LRRC37A2: variants seen among roughly 807,000 people sequenced by gnomAD.
The protein encoded by LRRC37A2 is leucine rich repeat containing 37 member A2.
A neutral mutation model predicts 68.8 loss-of-function variants in LRRC37A2; 9 were observed. The observed-to-expected ratio is 0.13, with a 90% CI of 0.08 to 0.23. The LOEUF is 0.23. Among genes scored for constraint, LRRC37A2 ranks in the 10% least tolerant of loss-of-function variants. LRRC37A2 has a pLI of 1.00. For synonymous variants in LRRC37A2, 63 were observed against 367.6 expected (o/e 0.17, Z 9.48); for missense variants, 168 against 950.4 (o/e 0.18, Z 10.82).
the LRRC37A2 span, among the ~76,000 whole-genome samples, chr17:46,873,331 C>T: frequency 6.6e-6 from 1 of 152,176 alleles, no homozygotes; most frequent in Admixed American, 6.5e-5. Context: ...TCCATGGAGG[C>T]CCATAGTGAG....
At chr17:46,754,710 C>T in the LRRC37A2 span, among the ~76,000 whole-genome samples, 2 of 152,212 alleles carry the variant, frequency 1.3e-5, no homozygotes, top group Admixed American at 6.5e-5. Flanking sequence ...TTCTTAGACT[C>T]ATGACACATT....
At chr17:46,923,111 GA>G in the LRRC37A2 span, 1 of 1,003,806 alleles carries the variant, frequency 1.0e-6, no homozygotes, top group Non-Finnish European at 1.5e-6. Context: ...CCTGCGACCG[GA>G]AGCCGGAAAC....
the LRRC37A2 span, among the ~76,000 whole-genome samples, chr17:46,769,500 A>G: frequency 3.9e-5 from 6 of 152,120 alleles, no homozygotes; most frequent in Non-Finnish European, 8.8e-5. Context: ...CCGCGTGCCA[A>G]GGTGCACAGG....
chr17:46,600,085 G>A, the LRRC37A2 span, among the ~76,000 whole-genome samples: 1 of 21,510 alleles, frequency 4.6e-5, no homozygotes, highest in Non-Finnish European at 7.1e-5. Flanking sequence ...AGCTTCCTGA[G>A]TAGCTTGGAC....
At chr17:47,036,626 C>T in the LRRC37A2 span, among the ~76,000 whole-genome samples, 1 of 150,222 alleles carries the variant, frequency 6.7e-6, no homozygotes, top group Non-Finnish European at 1.5e-5. Context: ...GTTGTAGCAC[C>T]CTTGTCAAAA....
the LRRC37A2 span, among the ~76,000 whole-genome samples, chr17:46,725,952 C>G: frequency 2.0e-5 from 3 of 152,184 alleles, no homozygotes; most frequent in African/African-American, 7.2e-5. Context: ...CAGGCTAAAA[C>G]CGTTCCTTCA....
At chr17:46,545,156 C>G (rs1401260619) in intron 8 of LRRC37A2, among the ~76,000 whole-genome samples, 2 of 129,450 alleles carry the variant, frequency 1.5e-5, no homozygotes, top group Admixed American at 7.6e-5. Context: ...ATTTTGCTGG[C>G]TACAGTGGCT....
downstream of LRRC37A2, among the ~76,000 whole-genome samples, chr17:46,558,062 GT>G (rs1219618738): frequency 7.3e-6 from 1 of 137,514 alleles, no homozygotes; most frequent in Admixed American, 7.2e-5. Context: ...AGTTTTGTTT[GT>G]TTTTTTTTCT....
the LRRC37A2 span, among the ~76,000 whole-genome samples, chr17:46,951,192 G>A: frequency 6.6e-6 from 1 of 152,200 alleles, no homozygotes. Flanking sequence ...TCCCTAGGAG[G>A]AGGCAGACAG....
the LRRC37A2 span, among the ~76,000 whole-genome samples, chr17:46,960,193 G>A: frequency 1.3e-5 from 2 of 152,118 alleles, no homozygotes; most frequent in African/African-American, 4.8e-5. Flanking sequence ...CTTTTAAAAA[G>A]CAAAAGACAC....
At chr17:46,726,350 A>G in the LRRC37A2 span, among the ~76,000 whole-genome samples, 1 of 152,242 alleles carries the variant, frequency 6.6e-6, no homozygotes, top group Non-Finnish European at 1.5e-5. Flanking sequence ...TGACACACAC[A>G]GCTGTTAGTG....
the LRRC37A2 span, among the ~76,000 whole-genome samples, chr17:46,861,251 T>A: frequency 1.4e-4 from 22 of 152,232 alleles, no homozygotes; most frequent in African/African-American, 5.3e-4. Flanking sequence ...TTAGCTAATT[T>A]TTCAGGTGCT....
the LRRC37A2 span, among the ~76,000 whole-genome samples, chr17:46,758,913 T>C: frequency 6.6e-6 from 1 of 152,172 alleles, no homozygotes; most frequent in Non-Finnish European, 1.5e-5. Flanking sequence ...TTTAAAGAAG[T>C]GACTGGGGGC....
chr17:46,851,742 GCTCCCCGGCCTGCCTGT>G, the LRRC37A2 span: 1 of 1,203,234 alleles, frequency 8.3e-7, no homozygotes, highest in African/African-American at 1.6e-5. This position sits in a 1 kb window ranked among gnomAD's most constrained non-coding sequence, Gnocchi z 4.3. Flanking sequence ...CCCCCCGCCC[GCTCCCCGGCCTGCCTGT>G]CTCTCCCTCC....
the LRRC37A2 span, chr17:46,930,047 ATT>A: frequency 2.2e-3 from 276 of 124,068 alleles, no homozygotes; most frequent in Admixed American, 3.7e-3. Context: ...GTTTTTTTTC[ATT>A]TTTTTTTTTT....
At chr17:46,899,836 G>A in the LRRC37A2 span, among the ~76,000 whole-genome samples, 7 of 152,166 alleles carry the variant, frequency 4.6e-5, no homozygotes, top group African/African-American at 1.7e-4. Flanking sequence ...CAGGTTGATT[G>A]CTGTTGTATT....
At chr17:46,814,243 G>A in the LRRC37A2 span, among the ~76,000 whole-genome samples, 3 of 152,176 alleles carry the variant, frequency 2.0e-5, no homozygotes, top group African/African-American at 4.8e-5. Context: ...CCCTGAGAGC[G>A]TCCCCTTCCC....
At chr17:46,815,171 C>T in the LRRC37A2 span, among the ~76,000 whole-genome samples, 2 of 152,080 alleles carry the variant, frequency 1.3e-5, no homozygotes, top group Non-Finnish European at 2.9e-5. Flanking sequence ...CATCCCCCCA[C>T]CCCAGCGCCC....
chr17:46,868,394 C>T, the LRRC37A2 span, among the ~76,000 whole-genome samples: 1 of 151,900 alleles, frequency 6.6e-6, no homozygotes, highest in African/African-American at 2.4e-5. Context: ...GAGTTCAAGA[C>T]CAGCCTAGCC....
Sources: allele counts gnomAD v4.1 joint callset (sites outside exome capture counted in the v4.1 genomes callset), GRCh38; gene constraint gnomAD v4.1.1; non-coding constraint Gnocchi (gnomAD v3.1); transcripts MANE v1.5; gene names NCBI Gene and HGNC (gene_info 2026-07-23, HGNC 2026-07-21).